The following SPECC1L variants were observed in gnomAD, a reference collection of about 807,000 sequenced individuals.
SPECC1L encodes the protein cytospin-A.
A neutral mutation model predicts 116.8 loss-of-function variants in SPECC1L; 40 were observed. The observed-to-expected ratio is 0.34, with a 90% confidence interval of 0.27 to 0.45. The LOEUF is 0.45. SPECC1L is among the 20% of genes least tolerant of loss of function. The probability of loss-of-function intolerance (pLI) is 1.00; values close to 1 mark genes in which losing one functional copy is unlikely to be tolerated. For synonymous variants in SPECC1L, 504 were observed against 500.6 expected (o/e 1.01, Z -0.09); for missense variants, 1,110 against 1,373.6 (o/e 0.81, Z 3.03).
At chr22:24,273,800 C>G (rs1358518424) in intron 1 of SPECC1L, among the ~76,000 whole-genome samples, 1 of 152,082 alleles carries the variant, frequency 6.6e-6, no homozygotes, top group Non-Finnish European at 1.5e-5. Context: ...CTCTTGTTGC[C>G]CAGGCTGGAG....
chr22:24,340,140 CTTTTTTTTTTTTT>C (rs765402107), intron 10 of SPECC1L, among the ~76,000 whole-genome samples: 6 of 105,140 alleles, frequency 5.7e-5, no homozygotes, highest in African/African-American at 2.3e-4. Flanking sequence ...ATTTAATGAC[CTTTTTTTTTTTTT>C]TTTTTTTTTT....
intron 11 of SPECC1L, among the ~76,000 whole-genome samples, chr22:24,350,618 A>C (rs1887544130): frequency 6.6e-6 from 1 of 152,220 alleles, no homozygotes; most frequent in South Asian, 2.1e-4. Context: ...AGCTGCCAGC[A>C]AATAACTAAA....
At chr22:24,410,266 T>A (rs1235708087) in intron 14 of SPECC1L, among the ~76,000 whole-genome samples, 1 of 152,220 alleles carries the variant, frequency 6.6e-6, no homozygotes, top group Non-Finnish European at 1.5e-5. Context: ...ACTCCTGGGC[T>A]CAAGGGATCC....
chr22:24,301,516 A>T (rs1390793121), intron 2 of SPECC1L, among the ~76,000 whole-genome samples: 1 of 152,196 alleles, frequency 6.6e-6, no homozygotes, highest in African/African-American at 2.4e-5. Flanking sequence ...AAATTAGTCT[A>T]CAGTTAGACA....
At chr22:24,274,445 A>G (rs1230629536) in intron 1 of SPECC1L, among the ~76,000 whole-genome samples, 1 of 152,228 alleles carries the variant, frequency 6.6e-6, no homozygotes, top group East Asian at 1.9e-4. Context: ...TTTTTAAAGC[A>G]TCTTGAAATG....
intron 11 of SPECC1L, among the ~76,000 whole-genome samples, chr22:24,360,815 T>G (rs80197770): frequency 0.025 from 3,743 of 152,324 alleles, 179 homozygotes; most frequent in African/African-American, 0.086. Context: ...TGTAAAACAT[T>G]GATCTTTGTT....
chr22:24,274,718 A>C (rs1345316972), intron 1 of SPECC1L, among the ~76,000 whole-genome samples: 1 of 152,188 alleles, frequency 6.6e-6, no homozygotes, highest in African/African-American at 2.4e-5. Flanking sequence ...TTTCCAAACT[A>C]TTAATCTGTT....
At chr22:24,338,855 G>T (rs558680420) in intron 10 of SPECC1L, among the ~76,000 whole-genome samples, 19 of 152,254 alleles carry the variant, frequency 1.2e-4, no homozygotes, top group African/African-American at 4.6e-4. Context: ...ACTTGCCGAG[G>T]TTCATGCAAT....
chr22:24,399,570 C>CA (rs947952217), intron 14 of SPECC1L, among the ~76,000 whole-genome samples: 53 of 149,428 alleles, frequency 3.5e-4, no homozygotes, highest in East Asian at 7.8e-4. Context: ...GACTCCATTT[C>CA]AAAAAAAACA....
At chr22:24,347,985 G>GT (rs983418667) in intron 11 of SPECC1L, among the ~76,000 whole-genome samples, 4 of 152,218 alleles carry the variant, frequency 2.6e-5, no homozygotes, top group African/African-American at 7.2e-5. Context: ...CTTCCACGTA[G>GT]TTTTTTTATG....
chr22:24,323,466 G>T (rs17004899), intron 5 of SPECC1L, among the ~76,000 whole-genome samples: 6,320 of 152,252 alleles, frequency 0.042, 204 homozygotes, highest in African/African-American at 0.085. Flanking sequence ...GACCCTTGTT[G>T]TACATGCCTC....
At chr22:24,288,635 T>TTTTTTTTTTTTTTTTTTC in intron 2 of SPECC1L, among the ~76,000 whole-genome samples, 1 of 133,332 alleles carries the variant, frequency 7.5e-6, no homozygotes, top group Non-Finnish European at 1.6e-5. Flanking sequence ...TTTTTTTTTT[T>TTTTTTTTTTTTTTTTTTC]TTTTTTTTTG....
intron 2 of SPECC1L, among the ~76,000 whole-genome samples, chr22:24,282,744 A>G (rs1297730222): frequency 6.7e-6 from 1 of 149,324 alleles, no homozygotes; most frequent in Non-Finnish European, 1.5e-5. Context: ...TTTCTGTTTT[A>G]GTTTACAATG....
intron 10 of SPECC1L, among the ~76,000 whole-genome samples, chr22:24,344,039 G>A (rs892520421): frequency 3.9e-5 from 6 of 152,132 alleles, no homozygotes; most frequent in African/African-American, 1.2e-4. Context: ...ATCCTTTGTG[G>A]AAGAAATAAT....
chr22:24,354,928 G>A (rs2041499805), intron 11 of SPECC1L, among the ~76,000 whole-genome samples: 1 of 151,318 alleles, frequency 6.6e-6, no homozygotes, highest in Non-Finnish European at 1.5e-5. Context: ...GGGATTACAG[G>A]CATAAGCCAC....
Position 24,316,842 on chromosome 22 carries a change from C to T in SPECC1L, c.307+3376C>T, listed in dbSNP as rs544470805. Among the ~76,000 whole-genome samples the T allele has an allele frequency of 5.5e-4, 76 of 137,632 alleles. 4 individuals carry two copies. The highest frequency in any genetic ancestry group is 7.7e-3 in the Middle Eastern group (2 of 260). The allele number at this position is 137,632 out of a possible 152,430, so 90.3% of individuals were successfully genotyped here. ...GCCGGGCAGAGGGGCTCCTCACTTCCCAGTAGGGGCGGCCGGGCAGAGGCG... is the reference window on the plus strand; with the variant it reads ...GCCGGGCAGAGGGGCTCCTCACTTCTCAGTAGGGGCGGCCGGGCAGAGGCG... On this transcript the variant is annotated intron_variant, in intron 4 of 16. Transcript: ENST00000314328.
At chr22:24,282,501 A>G (rs1295078246) in intron 2 of SPECC1L, among the ~76,000 whole-genome samples, 5 of 152,186 alleles carry the variant, frequency 3.3e-5, no homozygotes, top group African/African-American at 1.2e-4. Context: ...TAATTTTGTA[A>G]AGGCAGTTTC....
chr22:24,291,929 A>G (rs1187034204), intron 2 of SPECC1L, among the ~76,000 whole-genome samples: 1 of 152,214 alleles, frequency 6.6e-6, no homozygotes, highest in African/African-American at 2.4e-5. Flanking sequence ...ATTAAATAGG[A>G]AATTTAAATG....
intron 14 of SPECC1L, among the ~76,000 whole-genome samples, chr22:24,381,988 A>G (rs761125593): frequency 3.3e-5 from 5 of 152,096 alleles, no homozygotes; most frequent in African/African-American, 1.2e-4. Flanking sequence ...AATAGTTTCT[A>G]TTCTCAGGAA....
Sources: allele counts gnomAD v4.1 joint callset (sites outside exome capture counted in the v4.1 genomes callset), GRCh38; gene constraint gnomAD v4.1.1; transcripts MANE v1.5; gene names NCBI Gene and HGNC (gene_info 2026-07-23, HGNC 2026-07-21).